CASK: variants seen among roughly 807,000 people sequenced by gnomAD.
The protein encoded by CASK is calcium/calmodulin dependent serine protein kinase, also known as peripheral plasma membrane protein CASK.
Under a neutral mutation model 82.9 loss-of-function variants are expected in CASK, and 4 were observed. The observed-to-expected ratio is 0.05, with a 90% CI of 0.02 to 0.11. CASK has a LOEUF of 0.11. CASK is among the 10% of genes least tolerant of loss of function. The pLI is 1.00. For synonymous variants in CASK, 259 were observed against 253.5 expected (o/e 1.02, Z -0.20); for missense variants, 358 against 720.9 (o/e 0.50, Z 5.76).
At chrX:41,552,085 C>A (rs2065105975) in intron 21 of CASK, among the ~76,000 whole-genome samples, 1 of 100,376 alleles carries the variant, frequency 1.0e-5, no homozygotes, top group Non-Finnish European at 2.0e-5. Flanking sequence ...TGCCATCACA[C>A]CTGGCTAATT....
chrX:41,844,378 A>T (rs754021345), intron 2 of CASK, among the ~76,000 whole-genome samples: 2 of 111,802 alleles, frequency 1.8e-5, no homozygotes, highest in South Asian at 7.3e-4. Flanking sequence ...AGTACATATC[A>T]GTCTATTTCT....
intron 1 of CASK, among the ~76,000 whole-genome samples, chrX:41,866,889 T>C (rs1459477611): frequency 9.0e-6 from 1 of 111,731 alleles, no homozygotes; most frequent in Non-Finnish European, 1.9e-5. Flanking sequence ...GTTTGATGAA[T>C]ACCAACTAAC....
At position 41,517,798 on chromosome X, in the gene CASK, A is replaced by T. The variant is rs1372834331; in HGVS notation, c.*2622T>A. 8.8e-6 allele frequency: 7 copies of T among 794,552 alleles called. No homozygotes were observed. The Admixed American group carries it at 1.9e-4, about 21-fold the overall frequency. 65.5% of individuals were successfully genotyped at this position (794,552 alleles called of 1,213,427 possible). ...CAGCAGCAGCAGCAGCAGCAGCAGC[A>T]GCAGCAGCAGCAGCAGCAGCAGCAA... On this transcript the variant is annotated 3_prime_UTR_variant, in exon 27 of 27. Coordinates refer to ENST00000378163, the MANE Select transcript of CASK (RefSeq NM_001367721.1).
intron 1 of CASK, among the ~76,000 whole-genome samples, chrX:41,857,242 C>T (rs1442306970): frequency 9.0e-6 from 1 of 110,764 alleles, no homozygotes; most frequent in Non-Finnish European, 1.9e-5. Context: ...GGATGTTCAG[C>T]AACATCCCTA....
intron 5 of CASK, among the ~76,000 whole-genome samples, chrX:41,678,352 A>G (rs2067301958): frequency 9.5e-6 from 1 of 105,214 alleles, no homozygotes; most frequent in Non-Finnish European, 2.0e-5. Flanking sequence ...GATACTAGGT[A>G]ATTTTTCCTG....
chrX:41,601,607 T>G (rs936300540), intron 12 of CASK, among the ~76,000 whole-genome samples: 1 of 111,580 alleles, frequency 9.0e-6, no homozygotes, highest in Non-Finnish European at 1.9e-5. Flanking sequence ...TGAAATCTAG[T>G]GGGATGATAG....
At chrX:41,749,260 G>C (rs751373372) in intron 3 of CASK, among the ~76,000 whole-genome samples, 85 of 107,084 alleles carry the variant, frequency 7.9e-4, no homozygotes, top group Middle Eastern at 4.8e-3. Context: ...CTGCACTCCA[G>C]TTGACAGAGC....
intron 5 of CASK, among the ~76,000 whole-genome samples, chrX:41,713,431 A>G (rs1382471832): frequency 3.6e-5 from 4 of 112,137 alleles, no homozygotes; most frequent in Admixed American, 9.4e-5. Context: ...GGACTGTCCA[A>G]TTTCACCTAT....
chrX:41,897,433 C>T (rs1263877303), intron 1 of CASK, among the ~76,000 whole-genome samples: 1 of 111,614 alleles, frequency 9.0e-6, no homozygotes, highest in African/African-American at 3.2e-5. Flanking sequence ...TCCTTGCATT[C>T]CAGGGATAAA....
At chrX:41,877,550 G>C (rs1186077019) in intron 1 of CASK, among the ~76,000 whole-genome samples, 1 of 111,304 alleles carries the variant, frequency 9.0e-6, no homozygotes, top group African/African-American at 3.3e-5. Context: ...CCCAGAGGGT[G>C]AGGGTATGGC....
intron 1 of CASK, among the ~76,000 whole-genome samples, chrX:41,911,104 T>G (rs2072556427): frequency 8.9e-6 from 1 of 111,870 alleles, no homozygotes; most frequent in South Asian, 3.7e-4. Context: ...AGTATCTAAT[T>G]ATTCTACAAC....
At chrX:41,542,612 G>GACTGAATTAAAATATT in intron 22 of CASK, 79 bp downstream of exon 22, 1 of 649,708 alleles carries the variant, frequency 1.5e-6, no homozygotes, top group Non-Finnish European at 2.5e-6. Flanking sequence ...GAACACTGAA[G>GACTGAATTAAAATATT]ACTGAATTAA....
chrX:41,764,210 T>C, intron 3 of CASK, among the ~76,000 whole-genome samples: 1 of 106,594 alleles, frequency 9.4e-6, no homozygotes, highest in Non-Finnish European at 1.9e-5. Flanking sequence ...CCTGATACAC[T>C]TTTTTTTTTC....
At chrX:41,799,615 G>T (rs925998638) in intron 2 of CASK, among the ~76,000 whole-genome samples, 4 of 108,467 alleles carry the variant, frequency 3.7e-5, no homozygotes, top group Admixed American at 1.0e-4. Context: ...GGAGCTCAGG[G>T]ATATCTCTCC....
At chrX:41,791,197 T>C (rs2069706388) in intron 2 of CASK, among the ~76,000 whole-genome samples, 1 of 109,851 alleles carries the variant, frequency 9.1e-6, no homozygotes, top group South Asian at 4.0e-4. Flanking sequence ...GGGTGGTGTT[T>C]AGTTACATGG....
At chrX:41,589,373 T>TA in intron 13 of CASK, 142 bp downstream of exon 13, 1 of 481,076 alleles carries the variant, frequency 2.1e-6, no homozygotes, top group Non-Finnish European at 3.7e-6. Context: ...TGTTCAGTAA[T>TA]AAACTTAGAA....
Position 41,709,880 on chromosome X carries a change from A to G in CASK, c.429+29504T>C, listed in dbSNP as rs186482230. ...TTTTTTCCCCTTGATTAAGGACAGG[A>G]AGTTACATGGAGCAGGGGACTTCAC... On this transcript the variant is annotated intron_variant, in intron 5 of 26. Transcript: ENST00000378163. Among the ~76,000 whole-genome samples the G allele has an allele frequency of 6.7e-4, 74 of 110,949 alleles. 1 individual carries two copies. The highest frequency in any genetic ancestry group is 9.4e-5 in the Non-Finnish European group (5 of 52,980).
At chrX:41,681,498 T>C (rs2067354170) in intron 5 of CASK, among the ~76,000 whole-genome samples, 1 of 112,028 alleles carries the variant, frequency 8.9e-6, no homozygotes, top group African/African-American at 3.2e-5. Flanking sequence ...TCACCTAATA[T>C]GTTGTGTGAT....
intron 5 of CASK, chrX:41,697,634 C>T (rs1017982920): frequency 9.0e-6 from 1 of 111,239 alleles, no homozygotes; most frequent in South Asian, 3.8e-4. Context: ...GGTTTACTCA[C>T]GAAATGGAAT....
Sources: gnomAD v4.1 joint callset for allele counts (sites outside exome capture counted in the v4.1 genomes callset) on GRCh38, gnomAD v4.1.1 for gene constraint, MANE v1.5 for transcripts, NCBI Gene and HGNC (gene_info 2026-07-23, HGNC 2026-07-21) for gene names.